ATP1B2: variants seen among roughly 807,000 people sequenced by gnomAD.
The protein encoded by ATP1B2 is ATPase Na+/K+ transporting subunit beta 2.
In ATP1B2, 12 loss-of-function variants were observed where a neutral mutation model predicts 37.3. The ratio of observed to expected loss-of-function variants is 0.32; its 90% CI spans 0.21 to 0.52. ATP1B2 has a LOEUF of 0.52. ATP1B2 is among the 20% of genes least tolerant of loss of function. ATP1B2 has a pLI of 0.96. For synonymous variants in ATP1B2, 139 were observed against 140.5 expected (o/e 0.99, Z 0.07); for missense variants, 324 against 391.6 (o/e 0.83, Z 1.46).
chr17:7,655,746 C>T lies in ATP1B2; in HGVS notation c.724C>T (p.Pro242Ser), dbSNP rs1031593909. 1.2e-6 allele frequency: 2 copies of T among 1,614,012 alleles called. No individual in the cohort carries two copies. The highest frequency in any genetic ancestry group is 1.7e-6 in the Non-Finnish European group (2 of 1,180,050). ...TCCGGCCCAGGTGAACTACACACAGCCCCTGGTGGCTGTGAAGTTCCTGAA... is the reference window on the plus strand; with the variant it reads ...TCCGGCCCAGGTGAACTACACACAGTCCCTGGTGGCTGTGAAGTTCCTGAA... ...GKKFHVNYTQPLVAVKFLNVT... is the reference protein window; with the variant it reads ...GKKFHVNYTQSLVAVKFLNVT... The change falls in exon 7 of 7, where the codon CCC becomes TCC. Residue 242 changes from proline to serine, a missense_variant. Transcript: ENST00000250111. The surrounding 1 kb of genome is among the most constrained non-coding windows in gnomAD (Gnocchi z 4.4).
At position 7,653,463 on chromosome 17, in the gene ATP1B2, G is replaced by A. The variant is rs765814772; in HGVS notation, c.202G>A (p.Asp68Asn). 1.3e-5 allele frequency: 21 copies of A among 1,613,822 alleles called. No homozygotes were observed. The highest frequency in any genetic ancestry group is 1.6e-4 in the Middle Eastern group (1 of 6,082). The part of the protein sequence containing the change: ...TMWVMLQTVS[D>N]HTPKYQDRLA... ...GTGGGTGATGCTGCAGACTGTCTCC[G>A]ACCATACCCCCAAGTACCAGGACCG... is the stretch of plus-strand genomic sequence containing the variant. The change falls in exon 2 of 7, where the codon GAC becomes AAC. Residue 68 changes from aspartate (D) to asparagine (N), a missense_variant. Asp to Asn is a conservative substitution (Grantham distance 23). Coordinates refer to ENST00000250111, the MANE Select transcript of ATP1B2 (RefSeq NM_001678.5).
chr17:7,652,346 TG>T (rs1320371250), intron 1 of ATP1B2, among the ~76,000 whole-genome samples: 8 of 96,318 alleles, frequency 8.3e-5, no homozygotes, highest in Admixed American at 3.3e-4. Flanking sequence ...GGTCGGGGGT[TG>T]GGGGGGTGGA....
At position 7,655,704 on chromosome 17, in the gene ATP1B2, A is replaced by C. The variant is rs200592951; in HGVS notation, c.709-27A>C. Reference sequence around the variant, plus strand: ...AAGGAGGCCGCGTTGCCCCAGGCCTAGACCCTGCACTGCTCCTCCGGCCCA... The same window carrying C: ...AAGGAGGCCGCGTTGCCCCAGGCCTCGACCCTGCACTGCTCCTCCGGCCCA... On this transcript the variant is annotated intron_variant, in intron 6 of 6. Coordinates refer to ENST00000250111, the MANE Select transcript of ATP1B2 (RefSeq NM_001678.5). This position sits in a 1 kb window ranked among gnomAD's most constrained non-coding sequence, Gnocchi z 4.4. 3,562 of 1,614,016 alleles carry C rather than the reference A, an allele frequency of 2.2e-3. 8 individuals carry two copies. The highest frequency in any genetic ancestry group is 2.8e-3 in the Non-Finnish European group (3,303 of 1,179,942).
At position 7,654,546 on chromosome 17, in the gene ATP1B2, A is replaced by T. The variant is rs1029580906; in HGVS notation, c.553-82A>T. The T allele has an allele frequency of 2.7e-6, 4 of 1,464,718 alleles. No homozygotes were observed. The Admixed American group carries it at 5.0e-5, about 18-fold the overall frequency. The allele number at this position is 1,464,718 out of a possible 1,614,324, so 90.7% of individuals were successfully genotyped here. On this transcript the variant is annotated intron_variant, in intron 4 of 6. Transcript: ENST00000250111. This position sits in a 1 kb window ranked among gnomAD's most constrained non-coding sequence, Gnocchi z 4.9. ...CAACCTCCCTAGTAGTTGGGACTAC[A>T]GTCCCCGGCTTAGCTTGGTCTGGAT... is the stretch of plus-strand genomic sequence containing the variant.
Position 7,651,405 on chromosome 17 carries a change from C to A in ATP1B2, c.-114C>A, listed in dbSNP as rs749298661. The A allele has an allele frequency of 5.3e-6, 5 of 935,914 alleles. No individual in the cohort carries two copies. In the Admixed American group the frequency reaches 8.4e-5, roughly 16 times the overall value. 58.0% of individuals were successfully genotyped at this position (935,914 alleles called of 1,614,324 possible). ...GCATATCTGAGGGGGGTCTCCTTTG[C>A]CCGCGCCGCCTTCGCTCCCCGTGCT... On this transcript the variant is annotated 5_prime_UTR_variant, in exon 1 of 7. Coordinates refer to ENST00000250111, the MANE Select transcript of ATP1B2 (RefSeq NM_001678.5).
In ATP1B2 at chr17:7,655,577, C is replaced by A; in HGVS notation, c.660C>A (p.Asn220Lys). 6.2e-7 allele frequency: 1 copy of A among 1,614,166 alleles called. No individual in the cohort carries two copies. Among genetic ancestry groups the A allele is most frequent in the Non-Finnish European group, 8.5e-7 (1 of 1,180,030 alleles). Reference protein sequence around the residue: ...NLGNFVMFPANGNIDLMYFPY... With the variant: ...NLGNFVMFPAKGNIDLMYFPY... ...GCAACTTCGTCATGTTCCCCGCCAA[C>A]GGCAACATCGACCTCATGTACTTCC... The change falls in exon 6 of 7, where the codon AAC (asparagine) becomes AAA (lysine). Residue 220 changes from asparagine to lysine, a missense_variant. By Grantham distance (94) the Asn-to-Lys change is moderately conservative. Transcript: ENST00000250111. This position sits in a 1 kb window ranked among gnomAD's most constrained non-coding sequence, Gnocchi z 4.4.
At position 7,653,864 on chromosome 17, in the gene ATP1B2, G is replaced by A. The variant is rs200779161; in HGVS notation, c.265G>A (p.Glu89Lys). Residue 89 changes from glutamate to lysine, a missense_variant, in exon 3 of 7, where the codon GAG becomes AAG. Coordinates refer to ENST00000250111, the MANE Select transcript of ATP1B2 (RefSeq NM_001678.5). ...AGGCTTGATGATTCGCCCCAAGACT[G>A]AGAACCTTGATGTCATTGTCAATGT... ...TPGLMIRPKT[E>K]NLDVIVNVSD... is the part of the protein sequence containing the mutation. 6.2e-7 allele frequency: 1 copy of A among 1,614,160 alleles called. No individual in the cohort carries two copies. The highest frequency in any genetic ancestry group is 8.5e-7 in the Non-Finnish European group (1 of 1,180,036).
At chr17:7,651,713 A>G (rs2072614508) in intron 1 of ATP1B2, 83 bp downstream of exon 1, 7 of 1,251,652 alleles carry the variant, frequency 5.6e-6, no homozygotes, top group Non-Finnish European at 7.6e-6. Context: ...ACGCGGCCCC[A>G]GCTCCCCTCC....
upstream of ATP1B2, among the ~76,000 whole-genome samples, chr17:7,650,493 C>T (rs556854395): frequency 1.7e-4 from 26 of 152,262 alleles, no homozygotes; most frequent in East Asian, 5.0e-3. Flanking sequence ...CGGCTGGTCT[C>T]TTCGCTCTCT....
rs776602625 is a variant in ATP1B2 at position 7,655,478 on chromosome 17, G to T, written c.610-49G>T. The T allele has an allele frequency of 1.9e-6, 3 of 1,571,406 alleles. No homozygotes were observed. Among genetic ancestry groups the T allele is most frequent in the Non-Finnish European group, 2.6e-6 (3 of 1,142,104 alleles). ...ATGGAAGTCTGGTGAGCTCCTGGGTGCCTGCCATCCCTAACTGGCTCACCC... is the reference window on the plus strand; with the variant it reads ...ATGGAAGTCTGGTGAGCTCCTGGGTTCCTGCCATCCCTAACTGGCTCACCC... On this transcript the variant is annotated intron_variant, in intron 5 of 6. Coordinates refer to ENST00000250111, the MANE Select transcript of ATP1B2 (RefSeq NM_001678.5). This position sits in a 1 kb window ranked among gnomAD's most constrained non-coding sequence, Gnocchi z 4.4.
rs1008426582 is a variant in ATP1B2 at position 7,656,066 on chromosome 17, G to A, written c.*171G>A. 1.5e-5 allele frequency: 13 copies of A among 896,502 alleles called. No homozygotes were observed. The highest frequency in any genetic ancestry group is 3.5e-4 in the Middle Eastern group (1 of 2,822). 55.5% of individuals were successfully genotyped at this position (896,502 alleles called of 1,614,324 possible). A position where few individuals can be genotyped will look rare whatever the true frequency, so the allele number is the denominator to read the frequency against. ...CTCAACCCAGCCTGAAGTCCATTGC[G>A]GTTCCGTCACTCGCCTTTCCCACCA... On this transcript the variant is annotated 3_prime_UTR_variant, in exon 7 of 7. Coordinates refer to ENST00000250111, the MANE Select transcript of ATP1B2 (RefSeq NM_001678.5).
At position 7,654,596 on chromosome 17, in the gene ATP1B2, C is replaced by T; in HGVS notation, c.553-32C>T. On this transcript the variant is annotated intron_variant, in intron 4 of 6. Coordinates refer to ENST00000250111, the MANE Select transcript of ATP1B2 (RefSeq NM_001678.5). The surrounding 1 kb of genome is among the most constrained non-coding windows in gnomAD (Gnocchi z 4.9). ...TGCCCATCTTCGACAACTTCTTCCT[C>T]TGACTCTCTTCACCTTCCACCCTCA... 6.2e-7 allele frequency: 1 copy of T among 1,612,212 alleles called. No individual in the cohort carries two copies. Among genetic ancestry groups the T allele is most frequent in the Non-Finnish European group, 8.5e-7 (1 of 1,178,230 alleles).
rs2150978007 is a variant in ATP1B2 at position 7,653,513 on chromosome 17, A to C, written c.241+11A>C. The C allele has an allele frequency of 6.2e-7, 1 of 1,613,718 alleles. No individual in the cohort carries two copies. The highest frequency in any genetic ancestry group is 1.7e-4 in the Middle Eastern group (1 of 6,058). On this transcript the variant is annotated intron_variant, in intron 2 of 6. Transcript: ENST00000250111. ...GACTGGCCACACCGGGTGAGTGTGG[A>C]GGCTCCCCCTGCCAGCTACTCTAAC...
chr17:7,654,567 T>C lies in ATP1B2; in HGVS notation c.553-61T>C. ...CTACAGTCCCCGGCTTAGCTTGGTC[T>C]GGATGCCCATCTTCGACAACTTCTT... On this transcript the variant is annotated intron_variant, in intron 4 of 6. Transcript: ENST00000250111. The surrounding 1 kb of genome is among the most constrained non-coding windows in gnomAD (Gnocchi z 4.9). 6.4e-7 allele frequency: 1 copy of C among 1,566,238 alleles called. No individual in the cohort carries two copies. The highest frequency in any genetic ancestry group is 8.8e-7 in the Non-Finnish European group (1 of 1,136,678).
chr17:7,651,311 G>A lies in ATP1B2; in HGVS notation c.-208G>A. On this transcript the variant is annotated 5_prime_UTR_variant, in exon 1 of 7. Transcript: ENST00000250111. ...CATCGCAGTTGGGGGGCCTAGGATC[G>A]GTGCATCTTCCGCCGCGCTGCCAGC... 1 of 571,868 alleles carries A rather than the reference G, an allele frequency of 1.7e-6. No homozygotes were observed. Among genetic ancestry groups the A allele is most frequent in the Non-Finnish European group, 3.1e-6 (1 of 319,670 alleles). The allele number at this position is 571,868 out of a possible 1,614,324, so 35.4% of individuals were successfully genotyped here.
intron 1 of ATP1B2, among the ~76,000 whole-genome samples, chr17:7,652,985 G>A (rs1300747645): frequency 2.0e-5 from 3 of 152,190 alleles, no homozygotes; most frequent in Admixed American, 6.5e-5. Flanking sequence ...GCTTGTGAAT[G>A]GTGGCCAGTA....
chr17:7,654,357 A>G lies in ATP1B2; in HGVS notation c.552+100A>G. 2.9e-6 allele frequency: 4 copies of G among 1,368,334 alleles called. No homozygotes were observed. The highest frequency in any genetic ancestry group is 3.1e-6 in the Non-Finnish European group (3 of 974,228). The allele number at this position is 1,368,334 out of a possible 1,614,324, so 84.8% of individuals were successfully genotyped here. ...TCACTGGGGCTAATGGGCATGAGAA[A>G]GACTTGGATGTTTGTGTAGCTGAGA... On this transcript the variant is annotated intron_variant, in intron 4 of 6. Coordinates refer to ENST00000250111, the MANE Select transcript of ATP1B2 (RefSeq NM_001678.5). This position sits in a 1 kb window ranked among gnomAD's most constrained non-coding sequence, Gnocchi z 4.9.
Position 7,656,092 on chromosome 17 carries a change from A to G in ATP1B2, c.*197A>G. On this transcript the variant is annotated 3_prime_UTR_variant, in exon 7 of 7. Transcript: ENST00000250111. ...GTTCCGTCACTCGCCTTTCCCACCA[A>G]CTTCTCCCAACCTCAGATCAGTCAG... The G allele has an allele frequency of 2.9e-6, 2 of 678,190 alleles. No homozygotes were observed. The highest frequency in any genetic ancestry group is 2.8e-5 in the East Asian group (1 of 35,478). The allele number at this position is 678,190 out of a possible 1,614,324, so 42.0% of individuals were successfully genotyped here.
chr17:7,648,068 T>C (rs1359458631), upstream of ATP1B2, among the ~76,000 whole-genome samples: 1 of 151,042 alleles, frequency 6.6e-6, no homozygotes, highest in East Asian at 2.0e-4. Flanking sequence ...GGCAAAACCC[T>C]GTCTCTAGTA....
Sources: gnomAD v4.1 joint callset for allele counts (sites outside exome capture counted in the v4.1 genomes callset) on GRCh38, gnomAD v4.1.1 for gene constraint, Gnocchi (gnomAD v3.1) non-coding constraint, MANE v1.5 for transcripts, NCBI Gene and HGNC (gene_info 2026-07-23, HGNC 2026-07-21) for gene names.